The following MARCHF1 variants were observed in gnomAD, a reference collection of about 807,000 sequenced individuals.
MARCHF1 encodes membrane associated ring-CH-type finger 1, also known as E3 ubiquitin-protein ligase MARCHF1.
Under a neutral mutation model 54.2 loss-of-function variants are expected in MARCHF1, and 40 were observed. That is an observed-to-expected ratio of 0.74 (90% CI 0.57 to 0.96). The LOEUF is 0.96. Ranked by LOEUF, MARCHF1 falls within the 40% of genes least tolerant of loss-of-function variation. MARCHF1 has a pLI of 0.00. For missense variants in MARCHF1, 586 were observed against 656.5 expected (o/e 0.89, Z 1.17); for synonymous variants, 236 against 236.3 (o/e 1.00, Z 0.01).
intron 4 of MARCHF1, among the ~76,000 whole-genome samples, chr4:163,753,957 AT>A (rs1406485240): frequency 1.3e-5 from 2 of 152,194 alleles, no homozygotes; most frequent in African/African-American, 4.8e-5. Flanking sequence ...CAAACAAGAG[AT>A]ACCTCAAAGG....
intron 2 of MARCHF1, among the ~76,000 whole-genome samples, chr4:164,075,660 T>G (rs1009831099): frequency 6.6e-6 from 1 of 152,222 alleles, no homozygotes; most frequent in Non-Finnish European, 1.5e-5. Context: ...TAAGTGATAG[T>G]TGAAACTGTG....
intron 2 of MARCHF1, among the ~76,000 whole-genome samples, chr4:164,095,436 AC>A (rs907279071): frequency 1.2e-4 from 18 of 151,754 alleles, no homozygotes; most frequent in East Asian, 7.7e-4. Flanking sequence ...ACACACACAC[AC>A]CAACCTTAGT....
At chr4:163,644,515 C>G (rs9998756) in intron 5 of MARCHF1, among the ~76,000 whole-genome samples, 149,246 of 152,234 alleles carry the variant, frequency 0.98, 73,165 homozygotes, top group East Asian at 1. Flanking sequence ...ACCCATCTGA[C>G]TCCCTGGGTC....
intron 2 of MARCHF1, among the ~76,000 whole-genome samples, chr4:164,035,789 A>G (rs1406804084): frequency 6.6e-6 from 1 of 151,842 alleles, no homozygotes; most frequent in Non-Finnish European, 1.5e-5. Context: ...GATCTAATTA[A>G]TAGTATTTTG....
chr4:163,617,546 TCATTC>T (rs149189257), intron 5 of MARCHF1, among the ~76,000 whole-genome samples: 3,220 of 152,220 alleles, frequency 0.021, 110 homozygotes, highest in African/African-American at 0.072. Flanking sequence ...AAACCTCACT[TCATTC>T]AAGTTTTTTT....
At chr4:163,867,781 G>T (rs1750084653) in intron 3 of MARCHF1, among the ~76,000 whole-genome samples, 1 of 147,978 alleles carries the variant, frequency 6.8e-6, no homozygotes, top group African/African-American at 2.5e-5. Context: ...AAAATTCAAA[G>T]TGATAATAGC....
At chr4:164,141,871 G>A (rs1002888438) in intron 1 of MARCHF1, among the ~76,000 whole-genome samples, 3 of 152,288 alleles carry the variant, frequency 2.0e-5, no homozygotes, top group East Asian at 1.9e-4. Context: ...CGTGAGCAAC[G>A]CAGAAGACCG....
At chr4:163,731,897 A>G (rs1745851321) in intron 4 of MARCHF1, among the ~76,000 whole-genome samples, 1 of 152,182 alleles carries the variant, frequency 6.6e-6, no homozygotes, top group African/African-American at 2.4e-5. Context: ...TGGCCTAACA[A>G]ATAAAAGCGA....
At chr4:164,138,747 G>C (rs1208051493) in intron 1 of MARCHF1, among the ~76,000 whole-genome samples, 8 of 152,184 alleles carry the variant, frequency 5.3e-5, no homozygotes, top group African/African-American at 1.9e-4. Flanking sequence ...GGCTTGTCCA[G>C]AGTGATATTA....
At chr4:164,025,572 G>A (rs140267218) in intron 2 of MARCHF1, among the ~76,000 whole-genome samples, 58 of 151,840 alleles carry the variant, frequency 3.8e-4, no homozygotes, top group African/African-American at 1.2e-3. Context: ...TTTCTGGGAC[G>A]CAGATTAAGC....
At chr4:164,029,648 G>A (rs1753837443) in intron 2 of MARCHF1, among the ~76,000 whole-genome samples, 3 of 151,946 alleles carry the variant, frequency 2.0e-5, no homozygotes, top group Admixed American at 2.0e-4. Context: ...AGGCTGCAGT[G>A]CAGTGGTGGC....
chr4:163,832,060 AATTAGG>A (rs1749040352), intron 4 of MARCHF1, among the ~76,000 whole-genome samples: 1 of 152,198 alleles, frequency 6.6e-6, no homozygotes, highest in Admixed American at 6.5e-5. Context: ...TAGATAAACA[AATTAGG>A]AAGCTATTAC....
chr4:164,240,886 G>C (rs1732722595), intron 1 of MARCHF1, among the ~76,000 whole-genome samples: 2 of 152,104 alleles, frequency 1.3e-5, no homozygotes, highest in African/African-American at 2.4e-5. Context: ...TTAGAATTAT[G>C]AGAGAGGGCT....
intron 3 of MARCHF1, among the ~76,000 whole-genome samples, chr4:163,921,507 G>A (rs1230893119): frequency 1.3e-5 from 2 of 152,056 alleles, no homozygotes; most frequent in African/African-American, 4.8e-5. Flanking sequence ...TAAACAATTT[G>A]ACTACTACTA....
At chr4:164,356,780 C>CAAAAAAAAAAAAAAAAAGCAA (rs58855405) in intron 1 of MARCHF1, among the ~76,000 whole-genome samples, 1 of 103,264 alleles carries the variant, frequency 9.7e-6, no homozygotes, top group African/African-American at 3.5e-5. Context: ...AAAAGAAAAG[C>CAAAAAAAAAAAAAAAAAGCAA]AAAAAAAAAA....
chr4:164,382,755 G>A, intron 1 of MARCHF1, among the ~76,000 whole-genome samples: 1 of 152,132 alleles, frequency 6.6e-6, no homozygotes, highest in East Asian at 1.9e-4. Context: ...AAAAAGCCAG[G>A]GGGTTGGGTG....
intron 1 of MARCHF1, among the ~76,000 whole-genome samples, chr4:164,125,351 A>AT (rs1756157429): frequency 6.6e-6 from 1 of 152,098 alleles, no homozygotes; most frequent in African/African-American, 2.4e-5. Flanking sequence ...AAATATATAC[A>AT]TTTCACCCAA....
At chr4:164,072,693 A>G (rs186626566) in intron 2 of MARCHF1, among the ~76,000 whole-genome samples, 1 of 139,470 alleles carries the variant, frequency 7.2e-6, no homozygotes, top group Non-Finnish European at 1.5e-5. Context: ...CCCTTAAGAA[A>G]TTTTCTCTAG....
At chr4:164,046,220 C>T (rs2111032047) in intron 2 of MARCHF1, among the ~76,000 whole-genome samples, 1 of 152,312 alleles carries the variant, frequency 6.6e-6, no homozygotes, top group East Asian at 1.9e-4. Context: ...TTATCTTTAC[C>T]TACTGGACTG....
Sources: gnomAD v4.1 joint callset for allele counts (sites outside exome capture counted in the v4.1 genomes callset) on GRCh38, gnomAD v4.1.1 for gene constraint, MANE v1.5 for transcripts, NCBI Gene and HGNC (gene_info 2026-07-23, HGNC 2026-07-21) for gene names.